The following HAPLN1 variants were observed in gnomAD, a reference collection of about 807,000 sequenced individuals.
HAPLN1 encodes the protein Cartilage link protein.
In HAPLN1, 13 loss-of-function variants were observed where a neutral mutation model predicts 36.5. The observed-to-expected ratio is 0.36, with a 90% CI of 0.23 to 0.57. The LOEUF is 0.57. HAPLN1 is among the 20% of genes least tolerant of loss of function. The probability of loss-of-function intolerance (pLI) is 0.83; values close to 1 mark genes in which losing one functional copy is unlikely to be tolerated. For synonymous variants in HAPLN1, 202 were observed against 169.8 expected (o/e 1.19, Z -1.48); for missense variants, 407 against 439.7 (o/e 0.93, Z 0.66).
rs777337491 is a variant in HAPLN1, at chr5:83,652,453, C to A, written c.472G>T (p.Gly158Cys). 2 of 1,610,846 alleles carry A rather than the reference C, an allele frequency of 1.2e-6. No homozygotes were observed. Among genetic ancestry groups the A allele is most frequent in the Non-Finnish European group, 1.7e-6 (2 of 1,178,212 alleles). The change falls in exon 3 of 5, where the codon GGT becomes TGT. Residue 158 changes from glycine (G) to cysteine (C), a missense_variant and splice_region_variant. Gly to Cys is a radical substitution (Grantham distance 159). Coordinates refer to ENST00000274341, the MANE Select transcript of HAPLN1 (RefSeq NM_001884.4). ...TTGAACATGACTTATAGATACATAC[C>A]TTGTAAGTCCAGTGCTACCACAACA... ...DTVVVALDLQ[G>C]VVFPYFPRLG... is the part of the protein sequence containing the mutation.
chr5:83,704,522 A>G (rs1473380499), intron 1 of HAPLN1, among the ~76,000 whole-genome samples: 2 of 152,170 alleles, frequency 1.3e-5, no homozygotes, highest in Admixed American at 6.5e-5. Flanking sequence ...CTCACACATA[A>G]CAACACCCAT....
intron 1 of HAPLN1, among the ~76,000 whole-genome samples, chr5:83,706,192 A>C (rs1751646509): frequency 6.6e-6 from 1 of 151,870 alleles, no homozygotes; most frequent in African/African-American, 2.4e-5. Context: ...ACCATTCCAA[A>C]AAATCAAGAA....
intron 1 of HAPLN1, among the ~76,000 whole-genome samples, chr5:83,696,724 CA>C: frequency 6.6e-6 from 1 of 151,980 alleles, no homozygotes; most frequent in East Asian, 1.9e-4. Flanking sequence ...ATTTGATAGA[CA>C]AAAATTTGGT....
At chr5:83,649,580 C>T (rs1749994224) in intron 3 of HAPLN1, among the ~76,000 whole-genome samples, 1 of 152,112 alleles carries the variant, frequency 6.6e-6, no homozygotes, top group Non-Finnish European at 1.5e-5. Flanking sequence ...TCCAGAGTAG[C>T]TGGGATTACA....
intron 2 of HAPLN1, among the ~76,000 whole-genome samples, chr5:83,665,522 T>C (rs1750527699): frequency 6.6e-6 from 1 of 152,166 alleles, no homozygotes; most frequent in Non-Finnish European, 1.5e-5. Flanking sequence ...AAGGGTATGT[T>C]TTCAAAGGCG....
intron 1 of HAPLN1, among the ~76,000 whole-genome samples, chr5:83,686,328 T>C (rs993463819): frequency 2.0e-5 from 3 of 152,086 alleles, no homozygotes; most frequent in Non-Finnish European, 2.9e-5. Context: ...CAGCTGTTGC[T>C]AGAGGTGAAA....
intron 3 of HAPLN1, among the ~76,000 whole-genome samples, chr5:83,650,815 T>C (rs1375864195): frequency 6.6e-6 from 1 of 151,826 alleles, no homozygotes; most frequent in African/African-American, 2.4e-5. Flanking sequence ...TTTGTATTTT[T>C]AGTAGAGACG....
At chr5:83,657,709 G>A (rs1750260361) in intron 2 of HAPLN1, among the ~76,000 whole-genome samples, 1 of 151,858 alleles carries the variant, frequency 6.6e-6, no homozygotes, top group Non-Finnish European at 1.5e-5. Flanking sequence ...AATTGAGGAT[G>A]GTGCAAGCTA....
rs1168677262 is a variant in HAPLN1 at position 83,641,388 on chromosome 5, A to G, written c.*108T>C. 16 of 1,006,260 alleles carry G rather than the reference A, an allele frequency of 1.6e-5. No homozygotes were observed. The East Asian group carries it at 3.5e-4, about 22-fold the overall frequency. 62.3% of individuals were successfully genotyped at this position (1,006,260 alleles called of 1,614,324 possible). A position where few individuals can be genotyped will look rare whatever the true frequency, so the allele number is the denominator to read the frequency against. ...GAAAATGACTCTTTACAGTAAGTAA[A>G]AAAGGGTTATCACAGTTTTGGTAAC... is the stretch of plus-strand genomic sequence containing the variant. On this transcript the variant is annotated 3_prime_UTR_variant, in exon 5 of 5. Transcript: ENST00000274341.
intron 1 of HAPLN1, among the ~76,000 whole-genome samples, chr5:83,683,044 A>C (rs890213103): frequency 6.6e-6 from 1 of 152,212 alleles, no homozygotes; most frequent in Admixed American, 6.5e-5. Flanking sequence ...TATGAAGAAC[A>C]AAAGATTTTA....
intron 1 of HAPLN1, among the ~76,000 whole-genome samples, chr5:83,691,044 C>A (rs896283177): frequency 5.9e-5 from 9 of 151,988 alleles, no homozygotes; most frequent in East Asian, 1.9e-4. Flanking sequence ...ACAGAAAAAA[C>A]CAGACACTCA....
At chr5:83,705,454 AAAC>A (rs1319324715) in intron 1 of HAPLN1, among the ~76,000 whole-genome samples, 1 of 152,062 alleles carries the variant, frequency 6.6e-6, no homozygotes, top group East Asian at 1.9e-4. Context: ...CATGGAAATT[AAAC>A]AACGTGCTCA....
intron 1 of HAPLN1, among the ~76,000 whole-genome samples, chr5:83,699,116 G>A (rs893510544): frequency 6.6e-6 from 1 of 152,084 alleles, no homozygotes; most frequent in African/African-American, 2.4e-5. Flanking sequence ...AAGGTGCTAA[G>A]GCAGTAAAAA....
At chr5:83,648,408 T>C (rs1310834552) in intron 3 of HAPLN1, among the ~76,000 whole-genome samples, 2 of 75,488 alleles carry the variant, frequency 2.6e-5, no homozygotes, top group South Asian at 6.9e-4. Context: ...TATATATATA[T>C]ATATATATAT....
intron 1 of HAPLN1, among the ~76,000 whole-genome samples, chr5:83,708,618 T>G (rs1751704661): frequency 6.6e-6 from 1 of 152,104 alleles, no homozygotes; most frequent in Admixed American, 6.5e-5. Flanking sequence ...GGTACTAGAC[T>G]TAGTATGTGG....
chr5:83,705,387 C>CAAAAAAA (rs762927081), intron 1 of HAPLN1, among the ~76,000 whole-genome samples: 299 of 85,326 alleles, frequency 3.5e-3, no homozygotes, highest in Middle Eastern at 8.8e-3. Context: ...TGAAACGTCA[C>CAAAAAAA]AAAAAAAAAA....
chr5:83,641,393 G>T lies in HAPLN1; in HGVS notation c.*103C>A, dbSNP rs748875851. ...TGACTCTTTACAGTAAGTAAAAAAG[G>T]GTTATCACAGTTTTGGTAACTTGCA... On this transcript the variant is annotated 3_prime_UTR_variant, in exon 5 of 5. Coordinates refer to ENST00000274341, the MANE Select transcript of HAPLN1 (RefSeq NM_001884.4). 8 of 1,041,578 alleles carry T rather than the reference G, an allele frequency of 7.7e-6. No homozygotes were observed. The highest frequency in any genetic ancestry group is 1.1e-5 in the Non-Finnish European group (8 of 722,500). The allele number at this position is 1,041,578 out of a possible 1,614,324, so 64.5% of individuals were successfully genotyped here. A position where few individuals can be genotyped will look rare whatever the true frequency, so the allele number is the denominator to read the frequency against.
chr5:83,716,235 G>A (rs1006845189), intron 1 of HAPLN1, among the ~76,000 whole-genome samples: 5 of 152,116 alleles, frequency 3.3e-5, no homozygotes, highest in Admixed American at 6.5e-5. Context: ...AATTTAATTG[G>A]ATATTATAGT....
intron 1 of HAPLN1, among the ~76,000 whole-genome samples, chr5:83,689,545 A>T (rs1320176262): frequency 6.6e-6 from 1 of 152,130 alleles, no homozygotes; most frequent in Non-Finnish European, 1.5e-5. Flanking sequence ...CACAAAACCA[A>T]CTTCAATAAC....
Sources: gnomAD v4.1 joint callset for allele counts (sites outside exome capture counted in the v4.1 genomes callset) on GRCh38, gnomAD v4.1.1 for gene constraint, MANE v1.5 for transcripts, NCBI Gene and HGNC (gene_info 2026-07-23, HGNC 2026-07-21) for gene names.